Variants in DGKI observed in about 807,000 individuals in gnomAD.
DGKI encodes the protein DAG kinase iota.
Under a neutral mutation model 147.5 loss-of-function variants are expected in DGKI, and 55 were observed. That is an observed-to-expected ratio of 0.37 (90% confidence interval 0.30 to 0.47). The LOEUF is 0.47. Among genes scored for constraint, DGKI ranks in the 20% least tolerant of loss-of-function variants. DGKI has a pLI of 1.00. For missense variants in DGKI, 1,007 were observed against 1,323.8 expected (o/e 0.76, Z 3.71); for synonymous variants, 469 against 477.1 (o/e 0.98, Z 0.22).
intron 20 of DGKI, 85 bp from the exon 21 acceptor site, chr7:137,522,051 T>C: frequency 2.2e-6 from 2 of 912,194 alleles, no homozygotes; most frequent in South Asian, 3.1e-5. Flanking sequence ...GGCAATATTG[T>C]CTCTTCATGT....
chr7:137,667,762 C>G (rs1490478440), intron 3 of DGKI, among the ~76,000 whole-genome samples: 1 of 152,146 alleles, frequency 6.6e-6, no homozygotes, highest in Non-Finnish European at 1.5e-5. Context: ...AGGCAGTCTT[C>G]CAGCCAATCT....
chr7:137,447,289 C>T (rs1813754176), intron 27 of DGKI, among the ~76,000 whole-genome samples: 1 of 151,812 alleles, frequency 6.6e-6, no homozygotes, highest in Non-Finnish European at 1.5e-5. Context: ...GGCCATGTGC[C>T]AAGGGAAGGA....
At chr7:137,540,826 A>C (rs1376499451) in intron 20 of DGKI, among the ~76,000 whole-genome samples, 5 of 146,914 alleles carry the variant, frequency 3.4e-5, no homozygotes, top group African/African-American at 1.2e-4. Context: ...CTACTTAGGC[A>C]CAAATCTAAC....
chr7:137,779,110 C>A (rs535372804), intron 1 of DGKI, among the ~76,000 whole-genome samples: 12 of 152,196 alleles, frequency 7.9e-5, no homozygotes, highest in South Asian at 6.2e-4. Flanking sequence ...TTACTTTAAA[C>A]CTACAGGGTG....
intron 23 of DGKI, among the ~76,000 whole-genome samples, chr7:137,481,611 T>A (rs1011451844): frequency 2.6e-5 from 4 of 152,076 alleles, no homozygotes; most frequent in African/African-American, 9.7e-5. Context: ...TAATACCTTG[T>A]TAGGTTAACA....
At chr7:137,788,711 C>G (rs994714281) in intron 1 of DGKI, among the ~76,000 whole-genome samples, 1 of 150,512 alleles carries the variant, frequency 6.6e-6, no homozygotes, top group African/African-American at 2.5e-5. Flanking sequence ...ACACACACAT[C>G]TAGGCCCTAA....
At chr7:137,529,574 G>A (rs1003015567) in intron 20 of DGKI, among the ~76,000 whole-genome samples, 2 of 152,318 alleles carry the variant, frequency 1.3e-5, no homozygotes, top group South Asian at 4.1e-4. Flanking sequence ...TGGCATTGCA[G>A]AGCAGGTTAA....
rs11767245 is a variant in DGKI at position 137,842,226 on chromosome 7, A to G, written c.401+4236T>C. ...AAAGTTCCCCCATACACTATTGATT[A>G]CAATGCAAGGAAGACCAATATCCAT... On this transcript the variant is annotated intron_variant, in intron 1 of 32. Coordinates refer to ENST00000614521, the MANE Select transcript of DGKI (RefSeq NM_001321708.2). 2.0e-5 allele frequency among the ~76,000 whole-genome samples: 3 copies of G among 152,358 alleles called. No homozygotes were observed. In the East Asian group the frequency reaches 5.8e-4, roughly 29 times the overall value.
At chr7:137,753,843 T>C (rs1795591708) in intron 1 of DGKI, among the ~76,000 whole-genome samples, 1 of 151,908 alleles carries the variant, frequency 6.6e-6, no homozygotes, top group South Asian at 2.1e-4. Context: ...TGAGAGTAAA[T>C]GCCACCAGCT....
At chr7:137,544,282 G>A (rs1817796245) in intron 20 of DGKI, among the ~76,000 whole-genome samples, 1 of 152,030 alleles carries the variant, frequency 6.6e-6, no homozygotes, top group Admixed American at 6.6e-5. Flanking sequence ...CACAATCAAC[G>A]GAGCCACTAA....
chr7:137,466,845 A>G (rs1184720880), intron 25 of DGKI, 57 bp downstream of exon 25: 3 of 1,568,572 alleles, frequency 1.9e-6, no homozygotes, highest in Non-Finnish European at 2.6e-6. Flanking sequence ...AGCTACCAAT[A>G]AAGCACATTA....
intron 6 of DGKI, among the ~76,000 whole-genome samples, chr7:137,637,827 C>T (rs535335100): frequency 1.3e-5 from 2 of 152,162 alleles, no homozygotes; most frequent in South Asian, 2.1e-4. Flanking sequence ...CTTTTTCTTC[C>T]TTGAAATCAT....
rs532238584 is a variant in DGKI, at chr7:137,807,081, C to G, written c.401+39381G>C. Among the ~76,000 whole-genome samples, 11 of 152,272 alleles carry G rather than the reference C, an allele frequency of 7.2e-5. No homozygotes were observed. The East Asian group carries it at 2.1e-3, about 29-fold the overall frequency. ...CACTGCAACAGCTTGCCATATATGT[C>G]AGTGATCTGTTCTGTGTGATTACGA... On this transcript the variant is annotated intron_variant, in intron 1 of 32. Transcript: ENST00000614521.
chr7:137,841,188 C>G (rs1563222291), intron 1 of DGKI, among the ~76,000 whole-genome samples: 1 of 152,198 alleles, frequency 6.6e-6, no homozygotes, highest in Non-Finnish European at 1.5e-5. Flanking sequence ...ACCCATCACC[C>G]CAAGTGGACG....
chr7:137,688,769 G>A (rs1316490548), intron 2 of DGKI, among the ~76,000 whole-genome samples: 3 of 152,150 alleles, frequency 2.0e-5, no homozygotes, highest in African/African-American at 7.2e-5. Flanking sequence ...TGGGTTAAGA[G>A]TTTATTAAAT....
At chr7:137,716,827 G>T (rs968592742) in intron 1 of DGKI, among the ~76,000 whole-genome samples, 1 of 152,086 alleles carries the variant, frequency 6.6e-6, no homozygotes, top group Admixed American at 6.5e-5. Flanking sequence ...CTATTCCTTT[G>T]CCTCTCCTTC....
intron 1 of DGKI, among the ~76,000 whole-genome samples, chr7:137,768,794 C>T (rs146599085): frequency 1.5e-3 from 226 of 152,228 alleles, no homozygotes; most frequent in Non-Finnish European, 2.4e-3. Flanking sequence ...AAATTGCAGC[C>T]GCTTGGCTGA....
At chr7:137,740,950 T>C (rs1795156095) in intron 1 of DGKI, among the ~76,000 whole-genome samples, 1 of 152,170 alleles carries the variant, frequency 6.6e-6, no homozygotes, top group South Asian at 2.1e-4. Flanking sequence ...AGTAACTAGG[T>C]AAATGAGCTC....
At chr7:137,845,296 C>A (rs1392686373) in intron 1 of DGKI, among the ~76,000 whole-genome samples, 1 of 152,226 alleles carries the variant, frequency 6.6e-6, no homozygotes, top group African/African-American at 2.4e-5. Context: ...TATTCACACA[C>A]CTGCCCCCAT....
Sources: allele counts gnomAD v4.1 joint callset (sites outside exome capture counted in the v4.1 genomes callset), GRCh38; gene constraint gnomAD v4.1.1; transcripts MANE v1.5; gene names NCBI Gene and HGNC (gene_info 2026-07-23, HGNC 2026-07-21).